Variants in PDZD2 observed in about 807,000 individuals in gnomAD.
The protein encoded by PDZD2 is PDZ domain containing 2, also known as PDZ domain-containing protein 2.
In PDZD2, 90 loss-of-function variants were observed where a neutral mutation model predicts 220.7. The observed-to-expected ratio is 0.41, with a 90% CI of 0.34 to 0.49. The LOEUF (loss-of-function observed/expected upper bound fraction) is 0.49. Among genes scored for constraint, PDZD2 ranks in the 20% least tolerant of loss-of-function variants. PDZD2 has a pLI of 0.28. For synonymous variants in PDZD2, 1,375 were observed against 1,450.5 expected (o/e 0.95, Z 1.18); for missense variants, 3,174 against 3,608.5 (o/e 0.88, Z 3.08).
chr5:31,853,332 A>G (rs558784148), intron 2 of PDZD2, among the ~76,000 whole-genome samples: 2 of 152,208 alleles, frequency 1.3e-5, no homozygotes, highest in South Asian at 2.1e-4. Flanking sequence ...CCTAAACTCC[A>G]TGAGGTATTG....
intron 2 of PDZD2, among the ~76,000 whole-genome samples, chr5:31,800,333 T>C (rs1754319605): frequency 6.6e-6 from 1 of 152,206 alleles, no homozygotes; most frequent in Non-Finnish European, 1.5e-5. Flanking sequence ...AGTGGAGTTG[T>C]GCAGACGGTG....
In PDZD2 at chr5:32,087,931, C is replaced by T; in HGVS notation, c.4483C>T (p.Pro1495Ser). Residue 1495 changes from proline to serine, a missense_variant, in exon 20 of 25, where the codon CCA becomes TCA. By Grantham distance (74) the Pro-to-Ser change is moderately conservative (BLOSUM62 -1). This residue lies in a region of PDZD2 where 1,861 missense variants were observed against 2,001.0 expected (regional missense o/e 0.93). Coordinates refer to ENST00000438447, the MANE Select transcript of PDZD2 (RefSeq NM_178140.4). The surrounding 1 kb of genome is among the most constrained non-coding windows in gnomAD (Gnocchi z 4.0). ...RAWAAGAPAY[P>S]QWASQPSVLD... ...CTGGGCTGCTGGTGCCCCCGCCTACCCACAATGGGCCTCCCAGCCTTCGGT... is the reference window on the plus strand; with the variant it reads ...CTGGGCTGCTGGTGCCCCCGCCTACTCACAATGGGCCTCCCAGCCTTCGGT... 1 of 1,613,972 alleles carries T rather than the reference C, an allele frequency of 6.2e-7. No homozygotes were observed. The highest frequency in any genetic ancestry group is 8.5e-7 in the Non-Finnish European group (1 of 1,179,936).
intron 2 of PDZD2, among the ~76,000 whole-genome samples, chr5:31,952,148 T>C (rs1481286418): frequency 6.6e-6 from 1 of 152,230 alleles, no homozygotes; most frequent in Non-Finnish European, 1.5e-5. Context: ...TAAACTCTTT[T>C]TAAGTACTGT....
intron 1 of PDZD2, among the ~76,000 whole-genome samples, chr5:31,752,012 C>A (rs1368573051): frequency 6.8e-6 from 1 of 147,322 alleles, no homozygotes; most frequent in Non-Finnish European, 1.5e-5. Flanking sequence ...CATTTTCTCT[C>A]GAGCAGATTT....
intron 2 of PDZD2, among the ~76,000 whole-genome samples, chr5:31,913,147 T>C (rs1343441315): frequency 6.6e-6 from 1 of 151,964 alleles, no homozygotes; most frequent in Non-Finnish European, 1.5e-5. Flanking sequence ...GGCGGGTGGA[T>C]TGCTTGAGGT....
At chr5:31,838,131 C>T (rs1037817068) in intron 2 of PDZD2, among the ~76,000 whole-genome samples, 3 of 152,170 alleles carry the variant, frequency 2.0e-5, no homozygotes, top group Non-Finnish European at 4.4e-5. Context: ...GATCTCAGCT[C>T]ACTGTAACCT....
At chr5:31,892,976 G>A (rs1308555994) in intron 2 of PDZD2, among the ~76,000 whole-genome samples, 8 of 152,330 alleles carry the variant, frequency 5.3e-5, no homozygotes, top group East Asian at 1.9e-4. Context: ...AAAGTGTGGC[G>A]TGGGAGGAGC....
intron 2 of PDZD2, among the ~76,000 whole-genome samples, chr5:31,931,521 G>A (rs1745294085): frequency 6.6e-6 from 1 of 152,116 alleles, no homozygotes; most frequent in East Asian, 1.9e-4. Context: ...GCTGCAGCTG[G>A]GCAGGAGTTG....
At chr5:31,709,684 G>A (rs1384164614) in intron 1 of PDZD2, among the ~76,000 whole-genome samples, 4 of 152,098 alleles carry the variant, frequency 2.6e-5, no homozygotes, top group South Asian at 2.1e-4. Flanking sequence ...GGCTGGGTGC[G>A]ATGGCCCACG....
intron 2 of PDZD2, among the ~76,000 whole-genome samples, chr5:31,891,277 T>C (rs1253031908): frequency 7.2e-5 from 11 of 151,950 alleles, no homozygotes; most frequent in Non-Finnish European, 4.4e-5. Context: ...GCTGGGGCTA[T>C]AGACATGTGC....
chr5:32,000,009 C>T lies in PDZD2; in HGVS notation c.1122-130C>T. The T allele has an allele frequency of 1.4e-6, 1 of 701,034 alleles. No individual in the cohort carries two copies. Among genetic ancestry groups the T allele is most frequent in the Non-Finnish European group, 2.5e-6 (1 of 407,790 alleles). 43.4% of individuals were successfully genotyped at this position (701,034 alleles called of 1,614,324 possible). ...CAATCGCATCCCCAACTGCCTCTGGCCATCACAGTATCCTCTTTAGCCCAA... is the reference window on the plus strand; with the variant it reads ...CAATCGCATCCCCAACTGCCTCTGGTCATCACAGTATCCTCTTTAGCCCAA... On this transcript the variant is annotated intron_variant, in intron 4 of 24. Coordinates refer to ENST00000438447, the MANE Select transcript of PDZD2 (RefSeq NM_178140.4). The surrounding 1 kb of genome is among the most constrained non-coding windows in gnomAD (Gnocchi z 4.5).
chr5:31,931,478 C>T (rs1043713190), intron 2 of PDZD2, among the ~76,000 whole-genome samples: 6 of 152,098 alleles, frequency 3.9e-5, no homozygotes, highest in African/African-American at 1.4e-4. Flanking sequence ...TTTTTTAGGG[C>T]AGGCTGAGTT....
At chr5:32,096,721 G>A (rs1743739808) in intron 21 of PDZD2, among the ~76,000 whole-genome samples, 1 of 151,854 alleles carries the variant, frequency 6.6e-6, no homozygotes, top group Non-Finnish European at 1.5e-5. Flanking sequence ...CCTGCCTCTT[G>A]CCACTGACGC....
chr5:31,756,815 G>A (rs1325692781), intron 1 of PDZD2, among the ~76,000 whole-genome samples: 1 of 152,232 alleles, frequency 6.6e-6, no homozygotes, highest in Non-Finnish European at 1.5e-5. Context: ...TGGCCCTGCT[G>A]GGCGCCATGC....
rs756786929 is a variant in PDZD2 at position 32,089,942 on chromosome 5, C to T, written c.6494C>T (p.Ala2165Val). ...EQEMSRSFSM[A>V]KLASSSSSLQ... ...GAAATGTCACGATCATTCAGCATGG[C>T]AAAACTGGCGTCCTCCTCCTCCTCC... The change falls in exon 20 of 25, where the codon GCA (alanine) becomes GTA (valine). Residue 2165 changes from alanine to valine, a missense_variant. This residue lies in a region of PDZD2 where 1,861 missense variants were observed against 2,001.0 expected (regional missense o/e 0.93). Transcript: ENST00000438447. 7 of 1,609,004 alleles carry T rather than the reference C, an allele frequency of 4.4e-6. No individual in the cohort carries two copies. Among genetic ancestry groups the T allele is most frequent in the Non-Finnish European group, 5.9e-6 (7 of 1,177,456 alleles).
At chr5:32,009,336 CT>C (rs11348591) in intron 5 of PDZD2, among the ~76,000 whole-genome samples, 46,863 of 150,312 alleles carry the variant, frequency 0.31, 7,953 homozygotes, top group African/African-American at 0.45. Context: ...GAGCGAGACT[CT>C]TGTCTCAAAA....
chr5:31,735,484 C>T (rs969718317), intron 1 of PDZD2, among the ~76,000 whole-genome samples: 1 of 152,134 alleles, frequency 6.6e-6, no homozygotes, highest in African/African-American at 2.4e-5. Context: ...CTTCCATGAC[C>T]CATTTGTAAA....
chr5:32,010,301 T>C, intron 5 of PDZD2, 29 bp from the exon 6 acceptor site: 4 of 1,564,728 alleles, frequency 2.6e-6, no homozygotes, highest in Non-Finnish European at 3.5e-6. Context: ...GAGTAATTCA[T>C]GGATGGGCCT....
At chr5:31,840,764 A>T (rs962273585) in intron 2 of PDZD2, 60 of 811,452 alleles carry the variant, frequency 7.4e-5, no homozygotes, top group Non-Finnish European at 9.7e-5. Flanking sequence ...TGCCAACAGC[A>T]TGCTGGGGAA....
Sources: gnomAD v4.1 joint callset for allele counts (sites outside exome capture counted in the v4.1 genomes callset) on GRCh38, gnomAD v4.1.1 for gene constraint, gnomAD v4.1.1 regional missense constraint, Gnocchi (gnomAD v3.1) non-coding constraint, MANE v1.5 for transcripts, NCBI Gene and HGNC (gene_info 2026-07-23, HGNC 2026-07-21) for gene names.